CSNK1D: variants seen among roughly 807,000 people sequenced by gnomAD.
CSNK1D encodes the protein casein kinase 1 delta.
A neutral mutation model predicts 46.6 loss-of-function variants in CSNK1D; 16 were observed. The observed-to-expected ratio is 0.34, with a 90% CI of 0.23 to 0.52. The LOEUF (loss-of-function observed/expected upper bound fraction) is 0.52. Ranked by LOEUF, CSNK1D falls within the 20% of genes least tolerant of loss-of-function variation. The pLI is 0.95. For synonymous variants in CSNK1D, 276 were observed against 228.2 expected (o/e 1.21, Z -1.89); for missense variants, 398 against 578.4 (o/e 0.69, Z 3.20).
At chr17:82,261,693 G>C (rs2051344937) in intron 2 of CSNK1D, among the ~76,000 whole-genome samples, 1 of 152,200 alleles carries the variant, frequency 6.6e-6, no homozygotes, top group African/African-American at 2.4e-5. Context: ...CGGGCGAATG[G>C]GCTCCACAGG....
chr17:82,271,454 C>A (rs760342096), intron 1 of CSNK1D, among the ~76,000 whole-genome samples: 1 of 152,194 alleles, frequency 6.6e-6, no homozygotes, highest in African/African-American at 2.4e-5. Context: ...TTAAAACTTT[C>A]GCCAAAATCC....
At chr17:82,253,449 A>G in intron 3 of CSNK1D, 1 of 591,418 alleles carries the variant, frequency 1.7e-6, no homozygotes, top group African/African-American at 1.8e-5. Flanking sequence ...CACCCTCCAC[A>G]GGCCTAGGCG....
In CSNK1D at chr17:82,273,200, C is replaced by A; in HGVS notation, c.76+106G>T. ...CACGATCCGGCGGTGCCGGGACTTG[C>A]GCGGAGACCCCGCGGGGGCCACCAC... On this transcript the variant is annotated intron_variant, in intron 1 of 8. Coordinates refer to ENST00000314028, the MANE Select transcript of CSNK1D (RefSeq NM_001893.6). The surrounding 1 kb of genome is among the most constrained non-coding windows in gnomAD (Gnocchi z 5.1). 1 of 1,184,104 alleles carries A rather than the reference C, an allele frequency of 8.4e-7. No individual in the cohort carries two copies. The highest frequency in any genetic ancestry group is 1.2e-6 in the Non-Finnish European group (1 of 839,218). The allele number at this position is 1,184,104 out of a possible 1,614,324, so 73.3% of individuals were successfully genotyped here. A position where few individuals can be genotyped will look rare whatever the true frequency, so the allele number is the denominator to read the frequency against.
chr17:82,241,898 C>T (rs1397029394), downstream of CSNK1D, among the ~76,000 whole-genome samples: 4 of 152,202 alleles, frequency 2.6e-5, no homozygotes, highest in South Asian at 4.1e-4. Context: ...AGCCCCGGAA[C>T]GTGGGGCTCA....
chr17:82,268,071 G>A (rs1486981081), intron 1 of CSNK1D, among the ~76,000 whole-genome samples: 1 of 152,258 alleles, frequency 6.6e-6, no homozygotes, highest in Non-Finnish European at 1.5e-5. Context: ...AGCACACAGA[G>A]CCAGCCCTCC....
Position 82,249,929 on chromosome 17 carries a change from T to C in CSNK1D, c.886-327A>G, listed in dbSNP as rs2050957210. ...CTCTGTGAACATGCTCACTAACACG[T>C]GCAGAAAGAGGAGAGGGACAGGAAC... On this transcript the variant is annotated intron_variant, in intron 6 of 8. Transcript: ENST00000314028. The surrounding 1 kb of genome is among the most constrained non-coding windows in gnomAD (Gnocchi z 6.7). The C allele has an allele frequency of 7.7e-7, 1 of 1,292,498 alleles. No homozygotes were observed. Among genetic ancestry groups the C allele is most frequent in the Admixed American group, 3.2e-5 (1 of 30,788 alleles). The allele number at this position is 1,292,498 out of a possible 1,614,324, so 80.1% of individuals were successfully genotyped here. A position where few individuals can be genotyped will look rare whatever the true frequency, so the allele number is the denominator to read the frequency against.
chr17:82,247,050 G>A (rs901811366), intron 8 of CSNK1D: 16 of 985,498 alleles, frequency 1.6e-5, no homozygotes, highest in East Asian at 1.1e-4. Flanking sequence ...GAGGGGGCCC[G>A]CCCTGGAGGT....
rs1451630844 is a variant in CSNK1D, at chr17:82,244,396, G to C, written c.*385C>G. ...CACAGATTTAAGCCAATAATTTTTAGCAAAATGATACAAAACTGTCTTAAC... is the reference window on the plus strand; with the variant it reads ...CACAGATTTAAGCCAATAATTTTTACCAAAATGATACAAAACTGTCTTAAC... On this transcript the variant is annotated 3_prime_UTR_variant, in exon 9 of 9. Transcript: ENST00000314028. 30 of 1,153,550 alleles carry C rather than the reference G, an allele frequency of 2.6e-5. No homozygotes were observed. The highest frequency in any genetic ancestry group is 4.1e-5 in the Admixed American group (1 of 24,412). The allele number at this position is 1,153,550 out of a possible 1,614,324, so 71.5% of individuals were successfully genotyped here. A position where few individuals can be genotyped will look rare whatever the true frequency, so the allele number is the denominator to read the frequency against.
In CSNK1D at chr17:82,250,005, G is replaced by A. The variant is rs546018719; in HGVS notation, c.886-403C>T. 23 of 1,233,006 alleles carry A rather than the reference G, an allele frequency of 1.9e-5. No homozygotes were observed. Among genetic ancestry groups the A allele is most frequent in the South Asian group, 1.7e-4 (12 of 69,902 alleles). 76.4% of individuals were successfully genotyped at this position (1,233,006 alleles called of 1,614,324 possible). A position where few individuals can be genotyped will look rare whatever the true frequency, so the allele number is the denominator to read the frequency against. ...AATGGTGACAGCTGGGGAGGAAAGC[G>A]GGGTGGGGATGAGAGCGTTTGGTCG... On this transcript the variant is annotated intron_variant, in intron 6 of 8. Transcript: ENST00000314028. This position sits in a 1 kb window ranked among gnomAD's most constrained non-coding sequence, Gnocchi z 4.6.
At chr17:82,254,179 A>G (rs1484567114) in intron 3 of CSNK1D, 1 of 261,260 alleles carries the variant, frequency 3.8e-6, no homozygotes, top group Non-Finnish European at 6.9e-6. Flanking sequence ...GAAGCCAGTG[A>G]GCTGAGCCGC....
At chr17:82,246,330 G>A (rs891141565) in intron 8 of CSNK1D, 66 of 1,322,620 alleles carry the variant, frequency 5.0e-5, no homozygotes, top group Non-Finnish European at 6.3e-5. Flanking sequence ...ATCCCAGCAG[G>A]ATGGCAGGTG....
At position 82,251,663 on chromosome 17, in the gene CSNK1D, C is replaced by G. The variant is rs533865549; in HGVS notation, c.737-136G>C. On this transcript the variant is annotated intron_variant, in intron 5 of 8. Coordinates refer to ENST00000314028, the MANE Select transcript of CSNK1D (RefSeq NM_001893.6). This position sits in a 1 kb window ranked among gnomAD's most constrained non-coding sequence, Gnocchi z 4.5. ...CAGATGCAAAACACCTGTCAGATTT[C>G]TAAGACCTGAAGCCTTGAGAAAGCA... 118 of 922,684 alleles carry G rather than the reference C, an allele frequency of 1.3e-4. No individual in the cohort carries two copies. Among genetic ancestry groups the G allele is most frequent in the Admixed American group, 2.4e-4 (12 of 50,128 alleles). The allele number at this position is 922,684 out of a possible 1,614,324, so 57.2% of individuals were successfully genotyped here.
intron 2 of CSNK1D, among the ~76,000 whole-genome samples, chr17:82,265,090 C>A: frequency 6.6e-6 from 1 of 151,782 alleles, no homozygotes; most frequent in South Asian, 2.1e-4. Context: ...TGAGCCACTG[C>A]GTCTGGCCTA....
intron 2 of CSNK1D, among the ~76,000 whole-genome samples, chr17:82,256,322 A>T (rs12601586): frequency 2.0e-5 from 3 of 151,966 alleles, no homozygotes. Context: ...ACCAGCCTGG[A>T]TAACAAAGGG....
chr17:82,263,962 A>G (rs1243332118), intron 2 of CSNK1D, among the ~76,000 whole-genome samples: 1 of 152,208 alleles, frequency 6.6e-6, no homozygotes, highest in East Asian at 1.9e-4. Context: ...TCCTCTGGTC[A>G]CGTGAGGCCC....
rs1430931170 is a variant in CSNK1D, at chr17:82,249,885, C to G, written c.886-283G>C. The G allele has an allele frequency of 2.9e-6, 4 of 1,388,198 alleles. No individual in the cohort carries two copies. The highest frequency in any genetic ancestry group is 6.0e-5 in the Admixed American group (2 of 33,450). The allele number at this position is 1,388,198 out of a possible 1,614,324, so 86.0% of individuals were successfully genotyped here. A position where few individuals can be genotyped will look rare whatever the true frequency, so the allele number is the denominator to read the frequency against. The stretch of plus-strand genomic sequence containing the variant: ...GAACTTCCTTAAACTTCCAAATGGG[C>G]AGCAGCTACCCCCTGCTGCTCTGTG... On this transcript the variant is annotated intron_variant, in intron 6 of 8. Coordinates refer to ENST00000314028, the MANE Select transcript of CSNK1D (RefSeq NM_001893.6). This position sits in a 1 kb window ranked among gnomAD's most constrained non-coding sequence, Gnocchi z 6.7.
At position 82,244,223 on chromosome 17, in the gene CSNK1D, C is replaced by T; in HGVS notation, c.*558G>A. 1 of 1,064,798 alleles carries T rather than the reference C, an allele frequency of 9.4e-7. No homozygotes were observed. The highest frequency in any genetic ancestry group is 1.1e-6 in the Non-Finnish European group (1 of 876,166). The allele number at this position is 1,064,798 out of a possible 1,614,324, so 66.0% of individuals were successfully genotyped here. A position where few individuals can be genotyped will look rare whatever the true frequency, so the allele number is the denominator to read the frequency against. ...CACTGCAAAACAAACACAGCACACA[C>T]CCTTGAGATCCACCTGCACCTTCTC... On this transcript the variant is annotated 3_prime_UTR_variant, in exon 9 of 9. Coordinates refer to ENST00000314028, the MANE Select transcript of CSNK1D (RefSeq NM_001893.6).
At chr17:82,246,760 T>C (rs1237269908) in intron 8 of CSNK1D, 1 of 991,142 alleles carries the variant, frequency 1.0e-6, no homozygotes, top group Non-Finnish European at 1.2e-6. Flanking sequence ...CCTCCTCCCA[T>C]CTCCACAGGG....
intron 1 of CSNK1D, among the ~76,000 whole-genome samples, chr17:82,271,791 C>A (rs1365322003): frequency 6.6e-6 from 1 of 152,236 alleles, no homozygotes; most frequent in African/African-American, 2.4e-5. Context: ...GAACTGGAGA[C>A]TGTCCACATG....
Sources: gnomAD v4.1 joint callset for allele counts (sites outside exome capture counted in the v4.1 genomes callset) on GRCh38, gnomAD v4.1.1 for gene constraint, Gnocchi (gnomAD v3.1) non-coding constraint, MANE v1.5 for transcripts, NCBI Gene and HGNC (gene_info 2026-07-23, HGNC 2026-07-21) for gene names.